Variants in DLG2 observed in about 807,000 individuals in gnomAD.
The protein encoded by DLG2 is discs large MAGUK scaffold protein 2, also known as disks large homolog 2.
In DLG2, 45 loss-of-function variants were observed where a neutral mutation model predicts 132.5. The ratio of observed to expected loss-of-function variants is 0.34; its 90% confidence interval spans 0.27 to 0.44. The LOEUF (loss-of-function observed/expected upper bound fraction) is 0.44. Ranked by LOEUF, DLG2 falls within the 20% of genes least tolerant of loss-of-function variation. DLG2 has a pLI of 1.00. For missense variants in DLG2, 1,045 were observed against 1,196.9 expected (o/e 0.87, Z 1.87); for synonymous variants, 424 against 419.6 (o/e 1.01, Z -0.13).
intron 7 of DLG2, among the ~76,000 whole-genome samples, chr11:84,524,208 G>A (rs2099313256): frequency 6.6e-6 from 1 of 152,182 alleles, no homozygotes; most frequent in Non-Finnish European, 1.5e-5. Context: ...GCCCATCACT[G>A]CAGGTTAGAC....
chr11:85,536,687 C>T lies in DLG2; in HGVS notation c.40+61970G>A, dbSNP rs565364015. Among the ~76,000 whole-genome samples the T allele has an allele frequency of 4.6e-5, 7 of 152,346 alleles. No homozygotes were observed. The South Asian group carries it at 6.2e-4, about 14-fold the overall frequency. ...CAGGCCAGTGCGGGTTCCAGGTGAG[C>T]GCAGGCTTGGCAAGCCCCGCACTCA... On this transcript the variant is annotated intron_variant, in intron 3 of 27. Coordinates refer to ENST00000376104, the MANE Select transcript of DLG2 (RefSeq NM_001142699.3).
chr11:84,200,737 G>A (rs1020943713), intron 8 of DLG2, among the ~76,000 whole-genome samples: 75 of 151,960 alleles, frequency 4.9e-4, no homozygotes, highest in African/African-American at 1.7e-3. Flanking sequence ...TTCATGATTT[G>A]GCTTTCTGCT....
chr11:83,512,699 C>T (rs2095097346), intron 21 of DLG2, among the ~76,000 whole-genome samples: 1 of 151,536 alleles, frequency 6.6e-6, no homozygotes, highest in Non-Finnish European at 1.5e-5. Flanking sequence ...CACCCCACAA[C>T]AGGCCCTGGT....
intron 6 of DLG2, among the ~76,000 whole-genome samples, chr11:84,983,793 A>G (rs540325025): frequency 6.6e-6 from 1 of 152,332 alleles, no homozygotes; most frequent in South Asian, 2.1e-4. Context: ...TAGACAGCAT[A>G]AAGAAAAAAC....
chr11:83,965,361 A>G lies in DLG2; in HGVS notation c.1164T>C (p.Tyr388=), dbSNP rs768241477. 16 of 1,612,240 alleles carry G rather than the reference A, an allele frequency of 9.9e-6. No individual in the cohort carries two copies. In the East Asian group the frequency reaches 3.6e-4, roughly 36 times the overall value. ...CAGGTGGACCATAAGGATCAGTCAT[A>G]TAAATGGTAGTGGGTTTGCCAACTT... The part of the protein sequence containing the change: ...YLKVGKPTTI[Y]MTDPYGPPDI... The change falls in exon 13 of 28, where the codon TAT becomes TAC. Residue 388 remains tyrosine (Y), a synonymous_variant. Coordinates refer to ENST00000376104, the MANE Select transcript of DLG2 (RefSeq NM_001142699.3).
rs2086353050 is a variant in DLG2 at position 85,386,643 on chromosome 11, CT to C, written c.41-101279del. ...ATGTTATAGGGTCTCAAATTAGCCC[CT>C]GTATGATTTACAGAATTGTATTTTC... On this transcript the variant is annotated intron_variant, in intron 3 of 27. Transcript: ENST00000376104. Among the ~76,000 whole-genome samples the C allele has an allele frequency of 2.6e-5, 4 of 151,840 alleles. No individual in the cohort carries two copies. In the South Asian group the frequency reaches 8.4e-4, roughly 32 times the overall value.
chr11:83,719,264 G>T (rs898552890), intron 18 of DLG2, among the ~76,000 whole-genome samples: 2 of 152,152 alleles, frequency 1.3e-5, no homozygotes, highest in Non-Finnish European at 2.9e-5. Context: ...TTTTCCAGGG[G>T]AGACATCACT....
intron 9 of DLG2, among the ~76,000 whole-genome samples, chr11:84,099,700 T>C (rs1201865822): frequency 6.7e-6 from 1 of 150,324 alleles, no homozygotes; most frequent in Admixed American, 6.7e-5. Flanking sequence ...CCTTTACACT[T>C]ACTCCTGTAG....
chr11:85,455,354 A>C (rs1408946959), intron 3 of DLG2, among the ~76,000 whole-genome samples: 1 of 152,048 alleles, frequency 6.6e-6, no homozygotes, highest in Non-Finnish European at 1.5e-5. Context: ...GAATGCTACA[A>C]ATTTCTGTAC....
At chr11:85,431,096 T>A (rs1277695575) in intron 3 of DLG2, among the ~76,000 whole-genome samples, 1 of 152,210 alleles carries the variant, frequency 6.6e-6, no homozygotes, top group African/African-American at 2.4e-5. Context: ...CAAGTTTTTA[T>A]GAGAAGATAT....
intron 6 of DLG2, among the ~76,000 whole-genome samples, chr11:84,953,670 ATTC>A (rs1268531142): frequency 2.0e-5 from 3 of 152,154 alleles, no homozygotes; most frequent in African/African-American, 7.2e-5. Flanking sequence ...GGCATATGGT[ATTC>A]TTCTTTTAAT....
intron 21 of DLG2, chr11:83,486,350 G>T: frequency 1.9e-6 from 1 of 533,844 alleles, no homozygotes; most frequent in South Asian, 2.3e-5. Context: ...GACTTGTCAT[G>T]CAAAAAAAAA....
intron 21 of DLG2, among the ~76,000 whole-genome samples, chr11:83,526,863 T>C (rs192716764): frequency 6.6e-6 from 1 of 152,274 alleles, no homozygotes. Flanking sequence ...TTTTCTGCAC[T>C]GAAAACGTGT....
chr11:85,622,237 G>A (rs2081762977), intron 2 of DLG2, among the ~76,000 whole-genome samples: 1 of 152,102 alleles, frequency 6.6e-6, no homozygotes. Context: ...ATACTGTACT[G>A]TATACAACAA....
chr11:83,884,725 G>A (rs1042605909), intron 15 of DLG2, among the ~76,000 whole-genome samples: 1 of 152,162 alleles, frequency 6.6e-6, no homozygotes, highest in African/African-American at 2.4e-5. Flanking sequence ...ACCTCACACA[G>A]CCAGATACTC....
chr11:85,053,796 C>CAAAA (rs34604489), intron 6 of DLG2, among the ~76,000 whole-genome samples: 39 of 45,788 alleles, frequency 8.5e-4, no homozygotes, highest in African/African-American at 3.5e-3. Context: ...GACTCTGTCT[C>CAAAA]AAAAAAAAAA....
At chr11:85,508,346 A>G (rs1448159018) in intron 3 of DLG2, among the ~76,000 whole-genome samples, 1 of 151,812 alleles carries the variant, frequency 6.6e-6, no homozygotes, top group Non-Finnish European at 1.5e-5. Context: ...CACCATGTAC[A>G]CTCCTGCCAC....
chr11:84,406,123 C>G (rs1331926047), intron 7 of DLG2, among the ~76,000 whole-genome samples: 1 of 152,032 alleles, frequency 6.6e-6, no homozygotes, highest in African/African-American at 2.4e-5. Context: ...TTTATTTTGT[C>G]CATTGATCTC....
chr11:83,629,215 A>G (rs2063149107), intron 19 of DLG2, among the ~76,000 whole-genome samples: 1 of 152,160 alleles, frequency 6.6e-6, no homozygotes, highest in Admixed American at 6.6e-5. Context: ...TTTTGCAGAC[A>G]GGAAACATGA....
Sources: allele counts gnomAD v4.1 joint callset (sites outside exome capture counted in the v4.1 genomes callset), GRCh38; gene constraint gnomAD v4.1.1; transcripts MANE v1.5; gene names NCBI Gene and HGNC (gene_info 2026-07-23, HGNC 2026-07-21).